TMEM145: variants seen among roughly 807,000 people sequenced by gnomAD.
The protein encoded by TMEM145 is transmembrane protein 145.
TMEM145 carries 46 observed loss-of-function variants against 68.5 expected under a neutral mutation model. That is an observed-to-expected ratio of 0.67 (90% confidence interval 0.53 to 0.86). The LOEUF is 0.86. TMEM145 is among the 40% of genes least tolerant of loss of function. TMEM145 has a pLI of 0.00. For synonymous variants in TMEM145, 255 were observed against 280.2 expected, an observed-to-expected ratio of 0.91 and a Z score of 0.90; for missense variants, 570 against 645.8, an observed-to-expected ratio of 0.88 and a Z score of 1.27.
In TMEM145 at chr19:42,313,755, C is replaced by A. The variant is rs946185541; in HGVS notation, c.120+259C>A. 6.6e-6 allele frequency among the ~76,000 whole-genome samples: 1 copy of A among 151,930 alleles called. No individual in the cohort carries two copies. The highest frequency in any genetic ancestry group is 6.6e-5 in the Admixed American group (1 of 15,250). ...GGGAGGGGGAGCGGGTTGGGAGAGTCAGAGTTTGGGAAGGGTGGTGCAGAG... is the reference window on the plus strand; with the variant it reads ...GGGAGGGGGAGCGGGTTGGGAGAGTAAGAGTTTGGGAAGGGTGGTGCAGAG... On this transcript the variant is annotated intron_variant, in intron 1 of 14. Coordinates refer to ENST00000301204, the MANE Select transcript of TMEM145 (RefSeq NM_173633.3). This position sits in a 1 kb window ranked among gnomAD's most constrained non-coding sequence, Gnocchi z 5.1.
At position 42,317,766 on chromosome 19, in the gene TMEM145, A is replaced by G; in HGVS notation, c.958A>G (p.Ile320Val). 1 of 1,614,160 alleles carries G rather than the reference A, an allele frequency of 6.2e-7. No individual in the cohort carries two copies. Among genetic ancestry groups the G allele is most frequent in the Non-Finnish European group, 8.5e-7 (1 of 1,180,028 alleles). ...TGAGTCGCCGGCCGGCTACGGGCTCATTGGACTGCAGGTGGCGGCCTACGT... is the reference window on the plus strand; with the variant it reads ...TGAGTCGCCGGCCGGCTACGGGCTCGTTGGACTGCAGGTGGCGGCCTACGT... ...TYESPAGYGL[I>V]GLQVAAYVWF... Residue 320 changes from isoleucine to valine, a missense_variant, in exon 12 of 15, where the codon ATT becomes GTT. By Grantham distance (29) the Ile-to-Val change is conservative. Coordinates refer to ENST00000301204, the MANE Select transcript of TMEM145 (RefSeq NM_173633.3).
rs769341678 is a variant in TMEM145, at chr19:42,324,786, TCCGGCCCC to T, written c.1453_1460del (p.Arg485TrpfsTer43). On this transcript the variant is annotated frameshift_variant, in exon 15 of 15. Transcript: ENST00000301204. LOFTEE classifies it high-confidence loss of function. Reference sequence around the variant, plus strand: ...TCTGGGCTCCCGCTGTTCCGTGACCTCCGGCCCCCTGGCCCCCTTCGAGACCTCTGACC... The same window carrying T: ...TCTGGGCTCCCGCTGTTCCGTGACCTCTGGCCCCCTTCGAGACCTCTGACC... 9.6e-6 allele frequency: 15 copies of T among 1,565,926 alleles called. No homozygotes were observed. The South Asian group carries it at 1.7e-4, about 18-fold the overall frequency.
chr19:42,323,529 G>T (rs2038930475), intron 13 of TMEM145, 54 bp from the exon 14 acceptor site: 2 of 1,574,034 alleles, frequency 1.3e-6, no homozygotes, highest in African/African-American at 2.7e-5. Context: ...AGTTTATGGG[G>T]ACAGCCTCCG....
chr19:42,314,317 C>A lies in TMEM145; in HGVS notation c.166C>A (p.Arg56=). Residue 56 remains arginine (R), a synonymous_variant, in exon 2 of 15, where the codon CGA becomes AGA. Coordinates refer to ENST00000301204, the MANE Select transcript of TMEM145 (RefSeq NM_173633.3). ...ATTTTGTTTCCTCTCGGATTACGGC[C>A]GACTGGACTTCCGTTTCCGCTACCC... The part of the protein sequence containing the change: ...TRFCFLSDYG[R]LDFRFRYPEA... The A allele has an allele frequency of 6.2e-7, 1 of 1,614,016 alleles. No homozygotes were observed. Among genetic ancestry groups the A allele is most frequent in the South Asian group, 1.1e-5 (1 of 91,072 alleles).
Position 42,314,848 on chromosome 19 carries a change from C to T in TMEM145, c.417C>T (p.Arg139=). The T allele has an allele frequency of 6.2e-7, 1 of 1,614,238 alleles. No homozygotes were observed. Residue 139 remains arginine, a synonymous_variant, in exon 5 of 15, where the codon CGC becomes CGT. Transcript: ENST00000301204. ...YLSCSSGRSF[R]SGDGLQLEYE... Reference sequence around the variant, plus strand: ...GCTGCTCCAGTGGCCGCAGCTTCCGCTCAGTGCGTGAACGGTGGTGGTATA... The same window carrying T: ...GCTGCTCCAGTGGCCGCAGCTTCCGTTCAGTGCGTGAACGGTGGTGGTATA...
rs748423874 is a variant in TMEM145 at position 42,314,453 on chromosome 19, C to G, written c.198C>G (p.Ala66=). 1 of 1,614,178 alleles carries G rather than the reference C, an allele frequency of 6.2e-7. No homozygotes were observed. Among genetic ancestry groups the G allele is most frequent in the Non-Finnish European group, 8.5e-7 (1 of 1,180,024 alleles). The change falls in exon 3 of 15, where the codon GCC becomes GCG. Residue 66 remains alanine, a splice_region_variant and synonymous_variant. Coordinates refer to ENST00000301204, the MANE Select transcript of TMEM145 (RefSeq NM_173633.3). ...TCCCCAACATCTCTGGTCTGCAGGC[C>G]AAGTGCTGTCAGAACATCCTCCTCT... ...RLDFRFRYPE[A]KCCQNILLYF...
At chr19:42,316,356 G>A (rs1446356875) in intron 8 of TMEM145, 125 bp from the exon 9 acceptor site, 8 of 879,640 alleles carry the variant, frequency 9.1e-6, no homozygotes, top group South Asian at 2.9e-5. Context: ...CAGGTGAGTC[G>A]GGGTAGAAGG....
Position 42,324,889 on chromosome 19 carries a change from C to G in TMEM145, c.*72C>G, listed in dbSNP as rs1250705381. The G allele has an allele frequency of 1.1e-5, 15 of 1,402,670 alleles. No individual in the cohort carries two copies. Among genetic ancestry groups the G allele is most frequent in the Non-Finnish European group, 1.3e-5 (14 of 1,080,054 alleles). The allele number at this position is 1,402,670 out of a possible 1,614,324, so 86.9% of individuals were successfully genotyped here. On this transcript the variant is annotated 3_prime_UTR_variant, in exon 15 of 15. Transcript: ENST00000301204. ...TGTGACTCTCCAGGACTCTGCGACC[C>G]CGGGATGGATATTGCGATGCTGGTC...
At position 42,316,714 on chromosome 19, in the gene TMEM145, C is replaced by T. The variant is rs143795185; in HGVS notation, c.780C>T (p.Leu260=). 28 of 1,613,652 alleles carry T rather than the reference C, an allele frequency of 1.7e-5. No homozygotes were observed. The African/African-American group carries it at 2.4e-4, about 14-fold the overall frequency. The change falls in exon 10 of 15, where the codon CTC becomes CTT. Residue 260 remains leucine (L), a synonymous_variant. Coordinates refer to ENST00000301204, the MANE Select transcript of TMEM145 (RefSeq NM_173633.3). The stretch of plus-strand genomic sequence containing the variant: ...TCATCTTCCTGCTGATGCTTATCCT[C>T]CTGGGGAAGGGATTCACGGTGACAC... ...SFLIFLLMLI[L]LGKGFTVTRG...
At chr19:42,324,698 C>A in intron 14 of TMEM145, 39 bp from the exon 15 acceptor site, 2 of 1,073,296 alleles carry the variant, frequency 1.9e-6, no homozygotes, top group African/African-American at 1.9e-5. Flanking sequence ...CTGTGCCAAA[C>A]GGTCCCGCGG....
intron 13 of TMEM145, among the ~76,000 whole-genome samples, chr19:42,322,943 C>T (rs999389820): frequency 2.6e-5 from 4 of 152,104 alleles, no homozygotes; most frequent in African/African-American, 9.7e-5. Context: ...TCAGGTGATC[C>T]GCCCGCCTCG....
chr19:42,319,289 T>G (rs2038889380), intron 12 of TMEM145, among the ~76,000 whole-genome samples: 1 of 152,168 alleles, frequency 6.6e-6, no homozygotes, highest in African/African-American at 2.4e-5. Context: ...CCTCACCTTT[T>G]AATGGGGATG....
rs1413774570 is a variant in TMEM145 at position 42,313,855 on chromosome 19, G to A, written c.120+359G>A. Among the ~76,000 whole-genome samples the A allele has an allele frequency of 6.6e-6, 1 of 152,092 alleles. No individual in the cohort carries two copies. Among genetic ancestry groups the A allele is most frequent in the Non-Finnish European group, 1.5e-5 (1 of 68,006 alleles). Reference sequence around the variant, plus strand: ...GCCGCCACACTCCCGCTCAGGACCGGGAGGGGGCCGTTTGGAAGATTCCCC... The same window carrying A: ...GCCGCCACACTCCCGCTCAGGACCGAGAGGGGGCCGTTTGGAAGATTCCCC... On this transcript the variant is annotated intron_variant, in intron 1 of 14. Coordinates refer to ENST00000301204, the MANE Select transcript of TMEM145 (RefSeq NM_173633.3). The surrounding 1 kb of genome is among the most constrained non-coding windows in gnomAD (Gnocchi z 5.1).
chr19:42,313,470 G>C lies in TMEM145; in HGVS notation c.94G>C (p.Val32Leu), dbSNP rs1006474102. The change falls in exon 1 of 15, where the codon GTG (valine) becomes CTG (leucine). Residue 32 changes from valine to leucine, a missense_variant. Transcript: ENST00000301204. This position sits in a 1 kb window ranked among gnomAD's most constrained non-coding sequence, Gnocchi z 5.1. The part of the protein sequence containing the change: ...SLPPRARAKY[V>L]RGNLSSKEDW... ...GCCCCCCCGCGCCCGGGCCAAGTAC[G>C]TGCGGGGCAACCTCAGTTCCAAGGA... 7.4e-7 allele frequency: 1 copy of C among 1,350,062 alleles called. No homozygotes were observed. The highest frequency in any genetic ancestry group is 1.5e-5 in the African/African-American group (1 of 65,200). The allele number at this position is 1,350,062 out of a possible 1,614,324, so 83.6% of individuals were successfully genotyped here.
rs772779002 is a variant in TMEM145, at chr19:42,314,690, C to T, written c.351C>T (p.Ser117=). The change falls in exon 4 of 15, where the codon TCC becomes TCT. Residue 117 remains serine (S), a synonymous_variant. Transcript: ENST00000301204. ...ACCTCACCACCCAGTATGCCTGGTC[C>T]GGCTGTCAGGTGCAGGCTCAGCCTG... The part of the protein sequence containing the change: ...VINLTTQYAW[S]GCQVVSEEGT... 19 of 1,614,052 alleles carry T rather than the reference C, an allele frequency of 1.2e-5. No homozygotes were observed. The highest frequency in any genetic ancestry group is 2.7e-5 in the African/African-American group (2 of 74,916).
In TMEM145 at chr19:42,313,724, T is replaced by C. The variant is rs2147410760; in HGVS notation, c.120+228T>C. On this transcript the variant is annotated intron_variant, in intron 1 of 14. Transcript: ENST00000301204. The surrounding 1 kb of genome is among the most constrained non-coding windows in gnomAD (Gnocchi z 5.1). ...GTAGGAGGGACGTTGAGGTCAGAGC[T>C]GAGCGGGGAGGGGGAGCGGGTTGGG... 6.6e-6 allele frequency among the ~76,000 whole-genome samples: 1 copy of C among 151,680 alleles called. No individual in the cohort carries two copies. The highest frequency in any genetic ancestry group is 3.4e-3 in the Middle Eastern group (1 of 290).
At position 42,316,928 on chromosome 19, in the gene TMEM145, C is replaced by T; in HGVS notation, c.865C>T (p.Leu289Phe). The T allele has an allele frequency of 6.2e-7, 1 of 1,613,862 alleles. No homozygotes were observed. Among genetic ancestry groups the T allele is most frequent in the South Asian group, 1.1e-5 (1 of 91,080 alleles). The change falls in exon 11 of 15, where the codon CTC becomes TTC. Residue 289 changes from leucine (L) to phenylalanine (F), a missense_variant. Leu to Phe is a conservative substitution (Grantham distance 22). Transcript: ENST00000301204. ...KLSVYMTLYT[L>F]THVVLLIYEA... ...GTCTGTCTACATGACCCTGTACACG[C>T]TCACCCATGTGGTGCTGCTCATCTA...
At chr19:42,322,912 G>T (rs1331640263) in intron 13 of TMEM145, among the ~76,000 whole-genome samples, 1 of 152,096 alleles carries the variant, frequency 6.6e-6, no homozygotes, top group African/African-American at 2.4e-5. Flanking sequence ...TGTTGGCCAT[G>T]CTGGTCTCAA....
intron 12 of TMEM145, among the ~76,000 whole-genome samples, chr19:42,319,846 G>A (rs1490331545): frequency 4.1e-5 from 6 of 146,006 alleles, no homozygotes; most frequent in African/African-American, 1.3e-4. Context: ...TGCAGCCTCC[G>A]CCTCCCAGGT....
Sources: allele counts gnomAD v4.1 joint callset (sites outside exome capture counted in the v4.1 genomes callset), GRCh38; gene constraint gnomAD v4.1.1; non-coding constraint Gnocchi (gnomAD v3.1); transcripts MANE v1.5; gene names NCBI Gene and HGNC (gene_info 2026-07-23, HGNC 2026-07-21).